PADI2: variants seen among roughly 807,000 people sequenced by gnomAD.
The protein encoded by PADI2 is protein-arginine deiminase type-2.
PADI2 carries 70 observed loss-of-function variants against 81.1 expected under a neutral mutation model. The observed-to-expected ratio is 0.86, with a 90% CI of 0.71 to 1.05. The LOEUF (loss-of-function observed/expected upper bound fraction) is 1.05. Among genes scored for constraint, PADI2 ranks in the 50% least tolerant of loss-of-function variants. The pLI, the probability that PADI2 is intolerant of heterozygous loss-of-function variation, is 0.00. For missense variants in PADI2, 853 were observed against 889.9 expected (o/e 0.96, Z 0.53); for synonymous variants, 338 against 358.0 (o/e 0.94, Z 0.63).
At chr1:17,108,990 A>G (rs1931478285) in intron 1 of PADI2, among the ~76,000 whole-genome samples, 1 of 152,150 alleles carries the variant, frequency 6.6e-6, no homozygotes, top group Non-Finnish European at 1.5e-5. Flanking sequence ...TCTCAGTTTC[A>G]TCCAGTGTTA....
rs773672755 is a variant in PADI2, at chr1:17,081,813, CAAAG to C, written c.1158+728_1158+731del. 6.9e-4 allele frequency among the ~76,000 whole-genome samples: 105 copies of C among 152,090 alleles called. 2 individuals carry two copies. Among genetic ancestry groups the C allele is most frequent in the East Asian group, 9.7e-4 (5 of 5,162 alleles). ...ACTTAAAAACAAACAAACAAACAAA[CAAAG>C]AAACAAAAAACATGGCTGAGTACAG... On this transcript the variant is annotated intron_variant, in intron 10 of 15. Coordinates refer to ENST00000375486, the MANE Select transcript of PADI2 (RefSeq NM_007365.3).
chr1:17,097,837 T>G (rs1310445027), intron 3 of PADI2, among the ~76,000 whole-genome samples: 1 of 152,090 alleles, frequency 6.6e-6, no homozygotes, highest in Non-Finnish European at 1.5e-5. Context: ...TTCCAGCCGG[T>G]CACGTCCACT....
intron 13 of PADI2, among the ~76,000 whole-genome samples, chr1:17,072,461 T>C (rs955282437): frequency 2.6e-5 from 4 of 152,148 alleles, no homozygotes; most frequent in African/African-American, 4.8e-5. Context: ...AAGTCTGTAG[T>C]TTTTATCATC....
chr1:17,101,789 T>C (rs1290644333), intron 3 of PADI2, among the ~76,000 whole-genome samples: 1 of 152,216 alleles, frequency 6.6e-6, no homozygotes, highest in Non-Finnish European at 1.5e-5. Context: ...GATTGGCATC[T>C]CACCAACCAT....
At chr1:17,087,404 T>A (rs761426) in intron 6 of PADI2, among the ~76,000 whole-genome samples, 49,940 of 152,040 alleles carry the variant, frequency 0.33, 8,668 homozygotes, top group East Asian at 0.59. Flanking sequence ...TCCAGCCCAG[T>A]TTCCCCAGAG....
chr1:17,087,568 C>T (rs2311481), intron 6 of PADI2, among the ~76,000 whole-genome samples: 43,362 of 151,796 alleles, frequency 0.29, 6,757 homozygotes, highest in East Asian at 0.59. Flanking sequence ...TGGCATGATC[C>T]TGGCTCACTG....
rs775198716 is a variant in PADI2, at chr1:17,092,383, GCTGGA to G, written c.655+20_655+24del. On this transcript the variant is annotated intron_variant, in intron 6 of 15. Transcript: ENST00000375486. ...AGGGTAGGTGGCTAGAAAGGTCTAG[GCTGGA>G]CTGGGCTGGGATCACTCACTCTCCA... 7.1e-5 allele frequency: 112 copies of G among 1,580,536 alleles called. No individual in the cohort carries two copies. Among genetic ancestry groups the G allele is most frequent in the Middle Eastern group, 5.1e-4 (3 of 5,878 alleles).
At chr1:17,076,033 G>T (rs998217586) in intron 11 of PADI2, among the ~76,000 whole-genome samples, 5 of 152,090 alleles carry the variant, frequency 3.3e-5, no homozygotes, top group African/African-American at 1.2e-4. Context: ...TTGCAGCTGC[G>T]GCCTGTGTGA....
intron 11 of PADI2, among the ~76,000 whole-genome samples, chr1:17,078,299 C>T (rs527269055): frequency 4.6e-5 from 7 of 151,934 alleles, no homozygotes; most frequent in South Asian, 2.1e-4. Flanking sequence ...TTAGTAGAGA[C>T]GAGATTTTTC....
intron 2 of PADI2, among the ~76,000 whole-genome samples, chr1:17,104,477 C>G (rs1361965397): frequency 3.0e-5 from 3 of 100,204 alleles, no homozygotes; most frequent in Non-Finnish European, 5.4e-5. Context: ...CTCTGTCGCC[C>G]AGGCTGGAGT....
rs1931209856 is a variant in PADI2 at position 17,103,073 on chromosome 1, G to A, written c.277-14C>T. 2.5e-6 allele frequency: 4 copies of A among 1,598,434 alleles called. No individual in the cohort carries two copies. Among genetic ancestry groups the A allele is most frequent in the East Asian group, 2.2e-5 (1 of 44,762 alleles). On this transcript the variant is annotated splice_polypyrimidine_tract_variant and intron_variant, in intron 2 of 15. Coordinates refer to ENST00000375486, the MANE Select transcript of PADI2 (RefSeq NM_007365.3). ...GTTGACGGTGACCTTGGTGGGGAGGGGGCACATTGGAGTAGAGAGAAAAGA... is the reference window on the plus strand; with the variant it reads ...GTTGACGGTGACCTTGGTGGGGAGGAGGCACATTGGAGTAGAGAGAAAAGA...
intron 1 of PADI2, among the ~76,000 whole-genome samples, chr1:17,112,323 G>T (rs1198231598): frequency 6.6e-6 from 1 of 152,118 alleles, no homozygotes; most frequent in Non-Finnish European, 1.5e-5. Flanking sequence ...AGGGTCACTG[G>T]CTTGGCCTTG....
intron 13 of PADI2, among the ~76,000 whole-genome samples, 163 bp downstream of exon 13, chr1:17,074,693 G>GGT (rs1224775028): frequency 6.6e-6 from 1 of 152,222 alleles, no homozygotes; most frequent in Non-Finnish European, 1.5e-5. Context: ...GAGGCCAGAG[G>GGT]TGCTTCCCAG....
chr1:17,096,305 G>A (rs1383671553), intron 3 of PADI2, among the ~76,000 whole-genome samples: 2 of 152,232 alleles, frequency 1.3e-5, no homozygotes, highest in East Asian at 1.9e-4. Context: ...AGGTGAAGTC[G>A]CATGCCCAAG....
At chr1:17,102,143 C>A (rs568293165) in intron 3 of PADI2, among the ~76,000 whole-genome samples, 4 of 152,208 alleles carry the variant, frequency 2.6e-5, no homozygotes, top group Non-Finnish European at 5.9e-5. Flanking sequence ...CTCTGCCATG[C>A]GGCAACTCTG....
At position 17,070,139 on chromosome 1, in the gene PADI2, A is replaced by T. The variant is rs750403554; in HGVS notation, c.1713T>A (p.Ala571=). 1 of 1,614,036 alleles carries T rather than the reference A, an allele frequency of 6.2e-7. No homozygotes were observed. Among genetic ancestry groups the T allele is most frequent in the South Asian group, 1.1e-5 (1 of 91,070 alleles). Reference sequence around the variant, plus strand: ...GGTGGTCCTCGTCCATCTTGAACAGAGCGGGCAGGTCAATGATGTCCTGCT... The same window carrying T: ...GGTGGTCCTCGTCCATCTTGAACAGTGCGGGCAGGTCAATGATGTCCTGCT... The part of the protein sequence containing the change: ...LTEQDIIDLP[A]LFKMDEDHRA... The change falls in exon 15 of 16, where the codon GCT becomes GCA. Residue 571 remains alanine, a synonymous_variant. Coordinates refer to ENST00000375486, the MANE Select transcript of PADI2 (RefSeq NM_007365.3).
Position 17,075,773 on chromosome 1 carries a change from T to C in PADI2, c.1361A>G (p.Gln454Arg), listed in dbSNP as rs764823256. ...GAGCTCCACGGGCGCCTGCACCTGCTGGGCCTTCAGGAAGTCACGCACCAC... is the reference window on the plus strand; with the variant it reads ...GAGCTCCACGGGCGCCTGCACCTGCCGGGCCTTCAGGAAGTCACGCACCAC... Reference protein sequence around the residue: ...TKVVRDFLKAQQVQAPVELYS... With the variant: ...TKVVRDFLKARQVQAPVELYS... The change falls in exon 12 of 16, where the codon CAG becomes CGG. Residue 454 changes from glutamine to arginine, a missense_variant. Physicochemically the swap from Gln to Arg is conservative, Grantham distance 43 (BLOSUM62 1). Transcript: ENST00000375486. 6.2e-7 allele frequency: 1 copy of C among 1,613,964 alleles called. No homozygotes were observed. Among genetic ancestry groups the C allele is most frequent in the Non-Finnish European group, 8.5e-7 (1 of 1,179,874 alleles).
At chr1:17,084,410 T>C (rs1335182266) in intron 8 of PADI2, among the ~76,000 whole-genome samples, 189 bp downstream of exon 8, 1 of 152,242 alleles carries the variant, frequency 6.6e-6, no homozygotes, top group Non-Finnish European at 1.5e-5. Context: ...CTTGGATAAA[T>C]GCTTTGCCTG....
At position 17,076,371 on chromosome 1, in the gene PADI2, C is replaced by T. The variant is rs562169860; in HGVS notation, c.1311-548G>A. Among the ~76,000 whole-genome samples, 8 of 152,106 alleles carry T rather than the reference C, an allele frequency of 5.3e-5. No individual in the cohort carries two copies. In the East Asian group the frequency reaches 5.8e-4, roughly 11 times the overall value. On this transcript the variant is annotated intron_variant, in intron 11 of 15. Coordinates refer to ENST00000375486, the MANE Select transcript of PADI2 (RefSeq NM_007365.3). The stretch of plus-strand genomic sequence containing the variant: ...CTGGGACTACAGGCGTGTGCCACCA[C>T]GCCCGGCTAATTTTTGCATTTTTAG...
Sources: allele counts gnomAD v4.1 joint callset (sites outside exome capture counted in the v4.1 genomes callset), GRCh38; gene constraint gnomAD v4.1.1; transcripts MANE v1.5; gene names NCBI Gene and HGNC (gene_info 2026-07-23, HGNC 2026-07-21).